Variants in DCDC1 observed in about 807,000 individuals in gnomAD.
The protein encoded by DCDC1 is doublecortin domain-containing protein 1.
In DCDC1, 200 loss-of-function variants were observed where a neutral mutation model predicts 178.3. The ratio of observed to expected loss-of-function variants is 1.12; its 90% CI spans 1.00 to 1.26. The LOEUF (loss-of-function observed/expected upper bound fraction) is 1.26. DCDC1 is among the 50% of genes most tolerant of loss of function. The pLI is 0.00. For missense variants in DCDC1, 1,983 were observed against 1,749.2 expected, an observed-to-expected ratio of 1.13 and a Z score of -2.38; for synonymous variants, 690 against 604.8, an observed-to-expected ratio of 1.14 and a Z score of -2.07.
intron 20 of DCDC1, among the ~76,000 whole-genome samples, chr11:30,978,322 T>TTAC (rs2134760641): frequency 6.6e-6 from 1 of 152,328 alleles, no homozygotes; most frequent in African/African-American, 2.4e-5. Context: ...TCTGTTCCCC[T>TTAC]TACTACACTA....
intron 8 of DCDC1, among the ~76,000 whole-genome samples, chr11:31,250,421 C>CATATACATATATATAT (rs1943920511): frequency 1.1e-4 from 6 of 52,856 alleles, no homozygotes; most frequent in African/African-American, 3.1e-4. Flanking sequence ...CACACATATA[C>CATATACATATATATAT]ATATATATGT....
chr11:31,005,475 T>C (rs919014778), intron 20 of DCDC1, among the ~76,000 whole-genome samples: 1 of 152,238 alleles, frequency 6.6e-6, no homozygotes, highest in Non-Finnish European at 1.5e-5. Context: ...GTGCAGCTCA[T>C]GCTGCTCTAA....
At chr11:31,061,318 A>C (rs1955905496) in intron 20 of DCDC1, among the ~76,000 whole-genome samples, 1 of 152,152 alleles carries the variant, frequency 6.6e-6, no homozygotes, top group Non-Finnish European at 1.5e-5. Flanking sequence ...AACACATTCC[A>C]GACACTTAAT....
chr11:31,214,047 C>G (rs948090233), intron 9 of DCDC1, among the ~76,000 whole-genome samples: 1 of 151,910 alleles, frequency 6.6e-6, no homozygotes, highest in African/African-American at 2.4e-5. Flanking sequence ...TACAAAAGAT[C>G]ATTAATTCAC....
chr11:31,117,095 C>T (rs758054182), intron 11 of DCDC1, among the ~76,000 whole-genome samples: 12 of 152,126 alleles, frequency 7.9e-5, no homozygotes, highest in Non-Finnish European at 1.6e-4. Flanking sequence ...TAGAGATTCA[C>T]TCCTTTGTCA....
At chr11:31,105,649 C>T (rs984818053) in intron 13 of DCDC1, among the ~76,000 whole-genome samples, 5 of 151,872 alleles carry the variant, frequency 3.3e-5, no homozygotes, top group Non-Finnish European at 7.4e-5. Context: ...TTTTTTAATT[C>T]TCTAAATTAC....
chr11:30,978,783 C>CACACACACACACACACAT (rs1950233048), intron 20 of DCDC1, among the ~76,000 whole-genome samples: 1 of 41,822 alleles, frequency 2.4e-5, no homozygotes, highest in Non-Finnish European at 7.4e-5. Flanking sequence ...CCCCTCAACA[C>CACACACACACACACACAT]ACACACACAC....
intron 9 of DCDC1, among the ~76,000 whole-genome samples, chr11:31,231,309 A>G (rs1473549698): frequency 1.3e-5 from 2 of 152,110 alleles, no homozygotes; most frequent in Non-Finnish European, 2.9e-5. Flanking sequence ...TAACAGAAAT[A>G]CATATATAAC....
chr11:31,004,657 G>A lies in DCDC1; in HGVS notation c.2592-52089C>T, dbSNP rs572218720. 4.5e-3 allele frequency among the ~76,000 whole-genome samples: 661 copies of A among 146,728 alleles called. 8 individuals are homozygous for A. Among genetic ancestry groups the A allele is most frequent in the African/African-American group, 0.016 (634 of 38,614 alleles). ...AGATCGCGCCACTGCACTCCAGCCT[G>A]GGTGACAGAGTGACACTCTGTCTCA... is the stretch of plus-strand genomic sequence containing the variant. On this transcript the variant is annotated intron_variant, in intron 20 of 38. Coordinates refer to ENST00000684477, the MANE Select transcript of DCDC1 (RefSeq NM_001387274.1).
At chr11:31,361,163 T>C (rs1048013185) in intron 1 of DCDC1, among the ~76,000 whole-genome samples, 5 of 152,156 alleles carry the variant, frequency 3.3e-5, no homozygotes, top group Middle Eastern at 3.2e-3. Context: ...TGCAAACACA[T>C]ACAATTGAAT....
At chr11:31,300,267 A>T (rs1948011011) in intron 6 of DCDC1, among the ~76,000 whole-genome samples, 1 of 152,208 alleles carries the variant, frequency 6.6e-6, no homozygotes, top group African/African-American at 2.4e-5. Context: ...TGATGAAGAA[A>T]GTAGAAACAA....
At chr11:31,203,778 T>A (rs1013028054) in intron 9 of DCDC1, among the ~76,000 whole-genome samples, 5 of 152,212 alleles carry the variant, frequency 3.3e-5, no homozygotes, top group African/African-American at 1.2e-4. Flanking sequence ...AATAAAATTT[T>A]AGAAGCACTC....
At chr11:30,942,371 T>C (rs1016640361) in intron 21 of DCDC1, among the ~76,000 whole-genome samples, 3 of 152,158 alleles carry the variant, frequency 2.0e-5, no homozygotes, top group African/African-American at 7.2e-5. Context: ...TATACTAGTT[T>C]CAGTCATAAA....
intron 11 of DCDC1, among the ~76,000 whole-genome samples, chr11:31,119,728 T>C (rs1960521393): frequency 1.3e-5 from 2 of 152,208 alleles, no homozygotes; most frequent in African/African-American, 4.8e-5. Context: ...ACTTCTTTCA[T>C]GGTGCTTTTG....
intron 9 of DCDC1, among the ~76,000 whole-genome samples, chr11:31,197,186 C>A (rs990287839): frequency 1.1e-4 from 17 of 151,972 alleles, no homozygotes; most frequent in Admixed American, 8.5e-4. Flanking sequence ...CTAAGTATTT[C>A]AAAAATATCT....
chr11:30,876,638 G>A (rs796290730), intron 38 of DCDC1, among the ~76,000 whole-genome samples: 5 of 152,060 alleles, frequency 3.3e-5, no homozygotes, highest in African/African-American at 1.2e-4. Context: ...ACCAATTTTC[G>A]CTTCAGGCGT....
chr11:31,224,598 A>G (rs1974684997), intron 9 of DCDC1, among the ~76,000 whole-genome samples: 1 of 152,136 alleles, frequency 6.6e-6, no homozygotes, highest in Admixed American at 6.6e-5. Context: ...AAATATTTGC[A>G]AACTATGCAG....
At chr11:31,160,223 A>G (rs1308027813) in intron 9 of DCDC1, among the ~76,000 whole-genome samples, 1 of 152,184 alleles carries the variant, frequency 6.6e-6, no homozygotes, top group African/African-American at 2.4e-5. Flanking sequence ...TGTTGAAATA[A>G]TTGAATCAAC....
chr11:31,017,668 C>A (rs1040246094), intron 20 of DCDC1, among the ~76,000 whole-genome samples: 2 of 151,970 alleles, frequency 1.3e-5, no homozygotes, highest in Non-Finnish European at 2.9e-5. Context: ...CAGCCTTGGC[C>A]CCCTGGGCTC....
Sources: gnomAD v4.1 joint callset for allele counts (sites outside exome capture counted in the v4.1 genomes callset) on GRCh38, gnomAD v4.1.1 for gene constraint, MANE v1.5 for transcripts, NCBI Gene and HGNC (gene_info 2026-07-23, HGNC 2026-07-21) for gene names.